TTYH2: variants seen among roughly 807,000 people sequenced by gnomAD.
TTYH2 encodes protein tweety homolog 2.
A neutral mutation model predicts 68.3 loss-of-function variants in TTYH2; 49 were observed. The observed-to-expected ratio is 0.72, with a 90% CI of 0.57 to 0.91. The LOEUF is 0.91. Ranked by LOEUF, TTYH2 falls within the 40% of genes least tolerant of loss-of-function variation. The pLI is 0.00. For missense variants in TTYH2, 631 were observed against 700.4 expected (o/e 0.90, Z 1.12); for synonymous variants, 272 against 300.8 (o/e 0.90, Z 0.99).
rs950574503 is a variant in TTYH2 at position 74,250,194 on chromosome 17, T to C, written c.1024-71T>C. 4.6e-6 allele frequency: 7 copies of C among 1,514,236 alleles called. No homozygotes were observed. In the African/African-American group the frequency reaches 8.2e-5, roughly 18 times the overall value. 93.8% of individuals were successfully genotyped at this position (1,514,236 alleles called of 1,614,324 possible). A position where few individuals can be genotyped will look rare whatever the true frequency, so the allele number is the denominator to read the frequency against. ...GGCTCTAGAGGCCCCTGAGCACAGC[T>C]GCTGTGGTGGTTTTCTCCGCCAGCT... On this transcript the variant is annotated intron_variant, in intron 9 of 13. Coordinates refer to ENST00000269346, the MANE Select transcript of TTYH2 (RefSeq NM_032646.6).
At chr17:74,238,231 A>G (rs549647568) in intron 4 of TTYH2, among the ~76,000 whole-genome samples, 2 of 152,278 alleles carry the variant, frequency 1.3e-5, no homozygotes, top group East Asian at 3.9e-4. Flanking sequence ...GTATCCACAG[A>G]CACAGCCACA....
rs750042334 is a variant in TTYH2 at position 74,217,378 on chromosome 17, C to T, written c.129+3662C>T. Among the ~76,000 whole-genome samples, 3 of 152,102 alleles carry T rather than the reference C, an allele frequency of 2.0e-5. No individual in the cohort carries two copies. Among genetic ancestry groups the T allele is most frequent in the African/African-American group, 4.8e-5 (2 of 41,392 alleles). The stretch of plus-strand genomic sequence containing the variant: ...CACGTGTTCTCTCATTGGTTGGTTC[C>T]GTTCATAGATTCGCCAAAGTACAAA... On this transcript the variant is annotated intron_variant, in intron 1 of 13. Transcript: ENST00000269346. The surrounding 1 kb of genome is among the most constrained non-coding windows in gnomAD (Gnocchi z 4.0).
At position 74,222,698 on chromosome 17, in the gene TTYH2, G is replaced by A; in HGVS notation, c.302+41G>A. On this transcript the variant is annotated intron_variant, in intron 2 of 13. Coordinates refer to ENST00000269346, the MANE Select transcript of TTYH2 (RefSeq NM_032646.6). The surrounding 1 kb of genome is among the most constrained non-coding windows in gnomAD (Gnocchi z 5.2). ...CGCTGGGCTTGGGGTGTGTGACTCA[G>A]TCTGCAAGGGGCCAGGGACTGTTTG... 3.2e-6 allele frequency: 5 copies of A among 1,571,852 alleles called. No individual in the cohort carries two copies. The highest frequency in any genetic ancestry group is 4.3e-6 in the Non-Finnish European group (5 of 1,160,016).
At chr17:74,258,792 A>G (rs2143790866) in intron 13 of TTYH2, among the ~76,000 whole-genome samples, 1 of 152,220 alleles carries the variant, frequency 6.6e-6, no homozygotes, top group South Asian at 2.1e-4. Context: ...TGTGACAACC[A>G]GAATATCTCC....
intron 13 of TTYH2, among the ~76,000 whole-genome samples, chr17:74,255,590 T>C (rs1355035702): frequency 6.6e-6 from 1 of 152,198 alleles, no homozygotes; most frequent in East Asian, 1.9e-4. Context: ...TAGCTGGGAT[T>C]ACAGGCATGC....
In TTYH2 at chr17:74,252,246, G is replaced by A. The variant is rs1175910193; in HGVS notation, c.1129G>A (p.Ala377Thr). 1 of 1,612,892 alleles carries A rather than the reference G, an allele frequency of 6.2e-7. No homozygotes were observed. Among genetic ancestry groups the A allele is most frequent in the African/African-American group, 1.3e-5 (1 of 75,048 alleles). ...CCTCTTCCTCCAGGATTATCTGGACGCTCTTGCTGGCATCTGCTACGACGG... is the reference window on the plus strand; with the variant it reads ...CCTCTTCCTCCAGGATTATCTGGACACTCTTGCTGGCATCTGCTACGACGG... ...CRGLHKDYLD[A>T]LAGICYDGLQ... Residue 377 changes from alanine (A) to threonine (T), a missense_variant, in exon 11 of 14, where the codon GCT (alanine) becomes ACT (threonine). Physicochemically the swap from Ala to Thr is moderately conservative, Grantham distance 58. Transcript: ENST00000269346.
At position 74,253,136 on chromosome 17, in the gene TTYH2, C is replaced by T. The variant is rs150383554; in HGVS notation, c.1315C>T (p.Arg439Cys). Reference sequence around the variant, plus strand: ...TGACCCCTTTAACCCCCAAGCCTGGCGCATGGCGGCTCACAGTCCCCCGAG... The same window carrying T: ...TGACCCCTTTAACCCCCAAGCCTGGTGCATGGCGGCTCACAGTCCCCCGAG... ...DDDPFNPQAW[R>C]MAAHSPPRGQ... The change falls in exon 12 of 14, where the codon CGC (arginine) becomes TGC (cysteine). Residue 439 changes from arginine to cysteine, a missense_variant. Physicochemically the swap from Arg to Cys is radical, Grantham distance 180. Coordinates refer to ENST00000269346, the MANE Select transcript of TTYH2 (RefSeq NM_032646.6). 199 of 1,613,780 alleles carry T rather than the reference C, an allele frequency of 1.2e-4. 1 individual carries two copies. Among genetic ancestry groups the T allele is most frequent in the Non-Finnish European group, 1.5e-4 (173 of 1,179,936 alleles).
In TTYH2 at chr17:74,253,279, C is replaced by T; in HGVS notation, c.1445+13C>T. The T allele has an allele frequency of 6.3e-7, 1 of 1,576,346 alleles. No individual in the cohort carries two copies. The highest frequency in any genetic ancestry group is 8.6e-7 in the Non-Finnish European group (1 of 1,162,348). On this transcript the variant is annotated intron_variant, in intron 12 of 13. Transcript: ENST00000269346. ...TCTCCGAGTACATGTACGGCCTGCA[C>T]ACACACCCAGGCTGGGTAGCACTGC... is the stretch of plus-strand genomic sequence containing the variant.
chr17:74,217,846 G>T lies in TTYH2; in HGVS notation c.129+4130G>T, dbSNP rs115051864. Among the ~76,000 whole-genome samples the T allele has an allele frequency of 4.1e-3, 628 of 152,298 alleles. 4 individuals carry two copies. The highest frequency in any genetic ancestry group is 0.015 in the African/African-American group (604 of 41,544). On this transcript the variant is annotated intron_variant, in intron 1 of 13. Coordinates refer to ENST00000269346, the MANE Select transcript of TTYH2 (RefSeq NM_032646.6). The surrounding 1 kb of genome is among the most constrained non-coding windows in gnomAD (Gnocchi z 4.0). ...CGCTCTGGGTTTTTCATGACACAGT[G>T]ACAAATCAGAAATAATTGAAGTCCC...
At position 74,232,873 on chromosome 17, in the gene TTYH2, G is replaced by A. The variant is rs1307801487; in HGVS notation, c.414+1874G>A. Among the ~76,000 whole-genome samples, 2 of 152,210 alleles carry A rather than the reference G, an allele frequency of 1.3e-5. No homozygotes were observed. Among genetic ancestry groups the A allele is most frequent in the African/African-American group, 2.4e-5 (1 of 41,460 alleles). ...AGCTGCCAGGGAGGGGAGCTGGAACGGGCCCCCAGGCTGGGGCCTCCCACC... is the reference window on the plus strand; with the variant it reads ...AGCTGCCAGGGAGGGGAGCTGGAACAGGCCCCCAGGCTGGGGCCTCCCACC... On this transcript the variant is annotated intron_variant, in intron 3 of 13. Coordinates refer to ENST00000269346, the MANE Select transcript of TTYH2 (RefSeq NM_032646.6). This position sits in a 1 kb window ranked among gnomAD's most constrained non-coding sequence, Gnocchi z 5.1.
In TTYH2 at chr17:74,215,170, C is replaced by CGTATGT. The variant is rs1029397720; in HGVS notation, c.129+1456_129+1457insATGTGT. ...AGGCGGATATGATTTCAGAAACAGC[C>CGTATGT]GTGTGTGTGTGTGTGTGTGTGTGTG... On this transcript the variant is annotated intron_variant, in intron 1 of 13. Coordinates refer to ENST00000269346, the MANE Select transcript of TTYH2 (RefSeq NM_032646.6). The surrounding 1 kb of genome is among the most constrained non-coding windows in gnomAD (Gnocchi z 4.3). 2.6e-3 allele frequency among the ~76,000 whole-genome samples: 386 copies of CGTATGT among 147,490 alleles called. 3 individuals carry two copies. Among genetic ancestry groups the CGTATGT allele is most frequent in the Middle Eastern group, 7.0e-3 (2 of 284 alleles).
chr17:74,252,452 T>C, intron 11 of TTYH2, 76 bp downstream of exon 11: 1 of 1,534,928 alleles, frequency 6.5e-7, no homozygotes, highest in South Asian at 1.2e-5. Flanking sequence ...GCCTCTGCTC[T>C]ACGATTTAGC....
Position 74,244,031 on chromosome 17 carries a change from T to C in TTYH2, c.786T>C (p.Ala262=). 1 of 1,612,066 alleles carries C rather than the reference T, an allele frequency of 6.2e-7. No homozygotes were observed. Among genetic ancestry groups the C allele is most frequent in the Non-Finnish European group, 8.5e-7 (1 of 1,179,872 alleles). ...SLLLSWASLA[A]DGSAAVATSD... The stretch of plus-strand genomic sequence containing the variant: ...TCCTCAGTTGGGCATCCCTGGCCGC[T>C]GATGGCTCTGCGGCAGTGGTGAGTT... Residue 262 remains alanine, a synonymous_variant, in exon 6 of 14, where the codon GCT becomes GCC. Coordinates refer to ENST00000269346, the MANE Select transcript of TTYH2 (RefSeq NM_032646.6).
At chr17:74,236,685 G>C (rs768726553) in intron 3 of TTYH2, among the ~76,000 whole-genome samples, 8 of 152,178 alleles carry the variant, frequency 5.3e-5, no homozygotes, top group Non-Finnish European at 1.2e-4. Flanking sequence ...ACACATAATG[G>C]TGTGCTCCTT....
chr17:74,215,546 C>T lies in TTYH2; in HGVS notation c.129+1830C>T, dbSNP rs2050214085. Reference sequence around the variant, plus strand: ...CATCAAATGGTTCCAGAGGGTGTCCCTTCCCATCGGCCACTGCTCCTGGGC... The same window carrying T: ...CATCAAATGGTTCCAGAGGGTGTCCTTTCCCATCGGCCACTGCTCCTGGGC... On this transcript the variant is annotated intron_variant, in intron 1 of 13. Transcript: ENST00000269346. This position sits in a 1 kb window ranked among gnomAD's most constrained non-coding sequence, Gnocchi z 4.3. 3.8e-6 allele frequency: 5 copies of T among 1,312,796 alleles called. No individual in the cohort carries two copies. In the Admixed American group the frequency reaches 6.4e-5, roughly 17 times the overall value. 81.3% of individuals were successfully genotyped at this position (1,312,796 alleles called of 1,614,324 possible).
At chr17:74,242,221 T>C (rs1275606695) in intron 4 of TTYH2, among the ~76,000 whole-genome samples, 1 of 152,044 alleles carries the variant, frequency 6.6e-6, no homozygotes, top group Non-Finnish European at 1.5e-5. Flanking sequence ...GCCAGAGGAA[T>C]GAAGGGCTTG....
At chr17:74,223,556 C>T (rs1034126772) in intron 2 of TTYH2, among the ~76,000 whole-genome samples, 15 of 152,174 alleles carry the variant, frequency 9.9e-5, no homozygotes, top group African/African-American at 3.1e-4. Context: ...TTATAACTCC[C>T]GTGCAGGAGT....
In TTYH2 at chr17:74,230,897, G is replaced by A. The variant is rs138557729; in HGVS notation, c.312G>A (p.Val104=). ...GGGATCTTGCTTATAGTGCTGCGGT[G>A]GGCGTTGGTTTCTATGGAAACAGCG... ...VVAGLICCAA[V]GVGFYGNSET... The change falls in exon 3 of 14, where the codon GTG becomes GTA. Residue 104 remains valine, a synonymous_variant. Transcript: ENST00000269346. 1.6e-4 allele frequency: 257 copies of A among 1,613,962 alleles called. No individual in the cohort carries two copies. The highest frequency in any genetic ancestry group is 1.9e-4 in the Non-Finnish European group (220 of 1,179,974).
chr17:74,222,617 T>C lies in TTYH2; in HGVS notation c.262T>C (p.Cys88Arg), dbSNP rs1397640307. ...GCAGACCAAGCAGCACCACTCCTGC[T>C]GCATCACCTGGACGGCCGTGGTGGC... ...AVQTKQHHSC[C>R]ITWTAVVAGL... The change falls in exon 2 of 14, where the codon TGC becomes CGC. Residue 88 changes from cysteine (C) to arginine (R), a missense_variant. Transcript: ENST00000269346. The surrounding 1 kb of genome is among the most constrained non-coding windows in gnomAD (Gnocchi z 5.2). 1.9e-6 allele frequency: 3 copies of C among 1,611,620 alleles called. No homozygotes were observed. The African/African-American group carries it at 4.0e-5, about 22-fold the overall frequency.
Sources: allele counts gnomAD v4.1 joint callset (sites outside exome capture counted in the v4.1 genomes callset), GRCh38; gene constraint gnomAD v4.1.1; non-coding constraint Gnocchi (gnomAD v3.1); transcripts MANE v1.5; gene names NCBI Gene and HGNC (gene_info 2026-07-23, HGNC 2026-07-21).